The following ANXA2 variants were observed in gnomAD, a reference collection of about 807,000 sequenced individuals.
ANXA2 encodes annexin A2, also known as annexin II.
Under a neutral mutation model 47.3 loss-of-function variants are expected in ANXA2, and 28 were observed. The ratio of observed to expected loss-of-function variants is 0.59; its 90% CI spans 0.44 to 0.81. ANXA2 has a LOEUF of 0.81. ANXA2 is among the 40% of genes least tolerant of loss of function. The probability of loss-of-function intolerance (pLI) is 0.00; values close to 1 mark genes in which losing one functional copy is unlikely to be tolerated. For missense variants in ANXA2, 384 were observed against 414.3 expected (o/e 0.93, Z 0.64); for synonymous variants, 172 against 155.5 (o/e 1.11, Z -0.79).
intron 3 of ANXA2, among the ~76,000 whole-genome samples, chr15:60,382,066 G>A (rs12914641): frequency 7.0e-5 from 8 of 114,516 alleles, no homozygotes; most frequent in South Asian, 3.6e-4. Flanking sequence ...GGGAGGGAGG[G>A]AGGGAGGAAG....
At chr15:60,368,341 T>TAAAATAAAAG (rs2062666245) in intron 3 of ANXA2, among the ~76,000 whole-genome samples, 2 of 143,684 alleles carry the variant, frequency 1.4e-5, no homozygotes, top group South Asian at 4.5e-4. Context: ...TAAAATAAAA[T>TAAAATAAAAG]AAAAATAAAT....
chr15:60,366,958 G>A (rs1335687111), intron 3 of ANXA2, among the ~76,000 whole-genome samples: 58 of 76,994 alleles, frequency 7.5e-4, no homozygotes, highest in African/African-American at 2.8e-3. Context: ...CAGCCGCCCC[G>A]TCCGGGAGGG....
rs941709700 is a variant in ANXA2, at chr15:60,348,738, T to G, written c.960+337A>C. ...TCCAGCCTGGGCGAGAGAGCAAGAC[T>G]CCGTCTCAAAAAAAAAAAAAAAAGT... is the stretch of plus-strand genomic sequence containing the variant. On this transcript the variant is annotated intron_variant, in intron 12 of 12. Coordinates refer to ENST00000451270, the MANE Select transcript of ANXA2 (RefSeq NM_004039.3). 1.1e-3 allele frequency among the ~76,000 whole-genome samples: 135 copies of G among 123,826 alleles called. 1 individual carries two copies. The highest frequency in any genetic ancestry group is 2.0e-3 in the Non-Finnish European group (123 of 60,684). The allele number at this position is 123,826 out of a possible 152,430, so 81.2% of individuals were successfully genotyped here. A position where few individuals can be genotyped will look rare whatever the true frequency, so the allele number is the denominator to read the frequency against.
chr15:60,393,408 CCA>C, intron 1 of ANXA2: 3 of 1,010,366 alleles, frequency 3.0e-6, no homozygotes, highest in Non-Finnish European at 3.5e-6. Flanking sequence ...GTTTTATGGC[CCA>C]CATATTGTAT....
At chr15:60,370,966 G>A (rs566723389) in intron 3 of ANXA2, among the ~76,000 whole-genome samples, 2 of 152,342 alleles carry the variant, frequency 1.3e-5, no homozygotes, top group Admixed American at 6.5e-5. Context: ...GAAGAGTGAT[G>A]TGGATAGGGT....
In ANXA2 at chr15:60,352,082, C is replaced by T. The variant is rs536149035; in HGVS notation, c.683-263G>A. ...TCCCCTGAGTGGAACCCATTCCATC[C>T]GAAAACCATAGGAAACAGTACAGAG... On this transcript the variant is annotated intron_variant, in intron 9 of 12. Transcript: ENST00000451270. The surrounding 1 kb of genome is among the most constrained non-coding windows in gnomAD (Gnocchi z 4.2). Among the ~76,000 whole-genome samples the T allele has an allele frequency of 1.3e-5, 2 of 152,136 alleles. No homozygotes were observed. Among genetic ancestry groups the T allele is most frequent in the African/African-American group, 2.4e-5 (1 of 41,494 alleles).
chr15:60,393,036 AC>A (rs2063034836), intron 1 of ANXA2: 3 of 1,287,402 alleles, frequency 2.3e-6, no homozygotes, highest in Non-Finnish European at 3.0e-6. Flanking sequence ...ATTTATCAGA[AC>A]CTTTTTGAAA....
At chr15:60,382,640 T>C (rs1350927999) in intron 2 of ANXA2, 199 bp from the exon 3 acceptor site, 5 of 441,078 alleles carry the variant, frequency 1.1e-5, no homozygotes, top group African/African-American at 2.0e-5. Flanking sequence ...CTTCAAAGGC[T>C]CAGCTAGTTT....
At chr15:60,359,842 T>C (rs1287466654) in intron 5 of ANXA2, among the ~76,000 whole-genome samples, 5 of 152,230 alleles carry the variant, frequency 3.3e-5, no homozygotes, top group Admixed American at 1.3e-4. Flanking sequence ...ACTTTACCCA[T>C]GTATATCAGC....
Position 60,351,755 on chromosome 15 carries a change from T to C in ANXA2, c.747A>G (p.Lys249=). 1 of 1,613,658 alleles carries C rather than the reference T, an allele frequency of 6.2e-7. No individual in the cohort carries two copies. ...TCAGGAAAGCATTTTCCAGGTCTCC[T>C]TTAACCTCTTTCCTGATGCTTTCCA... The part of the protein sequence containing the change: ...DMLESIRKEV[K]GDLENAFLNL... Residue 249 remains lysine (K), a synonymous_variant, in exon 10 of 13, where the codon AAA becomes AAG. Transcript: ENST00000451270.
intron 3 of ANXA2, among the ~76,000 whole-genome samples, chr15:60,375,320 T>A (rs1048439801): frequency 6.6e-6 from 1 of 152,154 alleles, no homozygotes; most frequent in Non-Finnish European, 1.5e-5. Context: ...AATAGGGTAA[T>A]TCATTACCCT....
intron 3 of ANXA2, among the ~76,000 whole-genome samples, chr15:60,372,149 CAAAA>C (rs1433707978): frequency 6.6e-6 from 1 of 151,934 alleles, no homozygotes; most frequent in African/African-American, 2.4e-5. Context: ...AACTCTATCT[CAAAA>C]TAATAATAAT....
At chr15:60,386,260 G>C in intron 1 of ANXA2, 174 bp from the exon 2 acceptor site, 4 of 595,010 alleles carry the variant, frequency 6.7e-6, no homozygotes, top group Admixed American at 6.4e-5. Flanking sequence ...AAACCTCAGA[G>C]ATGGTCTGCC....
At chr15:60,351,582 C>A (rs1030952892) in intron 10 of ANXA2, 142 bp downstream of exon 10, 2 of 665,276 alleles carry the variant, frequency 3.0e-6, no homozygotes, top group Admixed American at 2.7e-5. Flanking sequence ...ATTCTGAAAT[C>A]TATACAATTA....
intron 3 of ANXA2, among the ~76,000 whole-genome samples, chr15:60,377,614 A>G (rs2062798611): frequency 6.6e-6 from 1 of 152,196 alleles, no homozygotes; most frequent in Non-Finnish European, 1.5e-5. Flanking sequence ...ACACATAACT[A>G]AATTTAAAAA....
rs2062711233 is a variant in ANXA2 at position 60,371,620 on chromosome 15, A to C, written c.149-7097T>G. Among the ~76,000 whole-genome samples the C allele has an allele frequency of 7.2e-5, 11 of 152,326 alleles. No individual in the cohort carries two copies. The South Asian group carries it at 2.3e-3, about 32-fold the overall frequency. On this transcript the variant is annotated intron_variant, in intron 3 of 12. Transcript: ENST00000451270. ...AATGGATTTCATTTGTGTTTGATGA[A>C]GGTCTCGGGAGAGTGGGGGTTGACT... is the stretch of plus-strand genomic sequence containing the variant.
intron 4 of ANXA2, chr15:60,361,329 C>A: frequency 2.5e-6 from 1 of 395,878 alleles, no homozygotes; most frequent in Non-Finnish European, 4.7e-6. Context: ...TATGTGATTC[C>A]TAAGAAAGCT....
chr15:60,353,349 C>G (rs1360707408), intron 8 of ANXA2, among the ~76,000 whole-genome samples: 1 of 152,072 alleles, frequency 6.6e-6, no homozygotes, highest in Non-Finnish European at 1.5e-5. Context: ...CTTTCTCCCC[C>G]ACCACAACAG....
intron 7 of ANXA2, 97 bp from the exon 8 acceptor site, chr15:60,354,310 T>G (rs955907942): frequency 3.9e-5 from 39 of 1,008,180 alleles, no homozygotes; most frequent in Middle Eastern, 2.1e-4. Flanking sequence ...TTATTTAATT[T>G]CCTAAATAAG....
Sources: allele counts gnomAD v4.1 joint callset (sites outside exome capture counted in the v4.1 genomes callset), GRCh38; gene constraint gnomAD v4.1.1; non-coding constraint Gnocchi (gnomAD v3.1); transcripts MANE v1.5; gene names NCBI Gene and HGNC (gene_info 2026-07-23, HGNC 2026-07-21).